Variants in XIRP2 observed in about 807,000 individuals in gnomAD.
XIRP2 encodes the protein xin actin binding repeat containing 2.
Under a neutral mutation model 277.0 loss-of-function variants are expected in XIRP2, and 236 were observed. The ratio of observed to expected loss-of-function variants is 0.85; its 90% CI spans 0.77 to 0.95. The LOEUF is 0.95. Ranked by LOEUF, XIRP2 falls within the 40% of genes least tolerant of loss-of-function variation. XIRP2 has a pLI of 0.00. For missense variants in XIRP2, 4,640 were observed against 4,157.5 expected, an observed-to-expected ratio of 1.12 and a Z score of -3.19; for synonymous variants, 1,490 against 1,416.5, an observed-to-expected ratio of 1.05 and a Z score of -1.17.
intron 2 of XIRP2, among the ~76,000 whole-genome samples, chr2:166,963,980 G>C (rs1686363254): frequency 6.6e-6 from 1 of 151,748 alleles, no homozygotes; most frequent in Non-Finnish European, 1.5e-5. Flanking sequence ...AGGAAGAGCA[G>C]AAACAGGTGG....
intron 5 of XIRP2, among the ~76,000 whole-genome samples, chr2:167,230,958 G>A (rs1694730650): frequency 1.3e-5 from 2 of 151,968 alleles, no homozygotes; most frequent in African/African-American, 4.8e-5. Flanking sequence ...GTCCTACCAC[G>A]CCAATCTCTT....
In XIRP2 at chr2:167,087,163, A is replaced by G. The variant is rs539986300; in HGVS notation, c.409-48746A>G. On this transcript the variant is annotated intron_variant, in intron 2 of 10. Transcript: ENST00000409195. ...TGTTTGTTAGTTTTCCTTCTAACAG[A>G]CAGGACCCTCAGCTGCAGGTCTGTT... 2.1e-3 allele frequency among the ~76,000 whole-genome samples: 314 copies of G among 152,210 alleles called. 1 individual carries two copies. The highest frequency in any genetic ancestry group is 7.1e-3 in the African/African-American group (295 of 41,528).
chr2:167,146,530 ATT>A (rs1227806228), intron 3 of XIRP2, among the ~76,000 whole-genome samples: 57 of 152,046 alleles, frequency 3.7e-4, no homozygotes, highest in African/African-American at 8.4e-4. Flanking sequence ...AAAGAAAGAA[ATT>A]AATTATAGAG....
rs1255197546 is a variant in XIRP2, at chr2:167,246,817, A to C, written c.5425A>C (p.Ile1809Leu). ...ACGTACTGTTAGTGAAACTGACATCATCCCTGGAGATGTGCATAACACAGT... is the reference window on the plus strand; with the variant it reads ...ACGTACTGTTAGTGAAACTGACATCCTCCCTGGAGATGTGCATAACACAGT... ...VERTVSETDI[I>L]PGDVHNTVKV... The change falls in exon 9 of 11, where the codon ATC (isoleucine) becomes CTC (leucine). Residue 1809 changes from isoleucine to leucine, a missense_variant. By Grantham distance (5) the Ile-to-Leu change is conservative. Transcript: ENST00000409195. The C allele has an allele frequency of 6.2e-7, 1 of 1,613,896 alleles. No homozygotes were observed.
At chr2:167,128,117 A>T (rs543976331) in intron 2 of XIRP2, among the ~76,000 whole-genome samples, 2 of 152,344 alleles carry the variant, frequency 1.3e-5, no homozygotes, top group Admixed American at 6.5e-5. Flanking sequence ...TCTAGAAATT[A>T]TGCTGGAATT....
At position 167,232,009 on chromosome 2, in the gene XIRP2, T is replaced by G. The variant is rs1163295642; in HGVS notation, c.859-7846T>G. On this transcript the variant is annotated intron_variant, in intron 5 of 10. Coordinates refer to ENST00000409195, the MANE Select transcript of XIRP2 (RefSeq NM_152381.6). The stretch of plus-strand genomic sequence containing the variant: ...ATTCTCCAGTTTCCTGGAGATTTCT[T>G]GAGATACACTCTCCACCCCTGCCAC... Among the ~76,000 whole-genome samples, 4 of 151,956 alleles carry G rather than the reference T, an allele frequency of 2.6e-5. No homozygotes were observed. The East Asian group carries it at 5.8e-4, about 22-fold the overall frequency.
chr2:166,998,919 T>C (rs1281854850), intron 2 of XIRP2, among the ~76,000 whole-genome samples: 1 of 152,216 alleles, frequency 6.6e-6, no homozygotes, highest in East Asian at 1.9e-4. Flanking sequence ...AATTTTGATG[T>C]ACCTCTGTTT....
intron 2 of XIRP2, among the ~76,000 whole-genome samples, chr2:167,077,471 T>G (rs544754458): frequency 6.6e-6 from 1 of 151,788 alleles, no homozygotes; most frequent in Non-Finnish European, 1.5e-5. Flanking sequence ...ATTTCACAGC[T>G]GATTTTCAAG....
Position 167,146,157 on chromosome 2 carries a change from T to C in XIRP2, c.562+10095T>C, listed in dbSNP as rs1176092347. ...AGCAGATATGTTATACAACTAATTG[T>C]ATATTGCTGAAGAGAGAATTAATGA... is the stretch of plus-strand genomic sequence containing the variant. On this transcript the variant is annotated intron_variant, in intron 3 of 10. Transcript: ENST00000409195. 2.0e-5 allele frequency among the ~76,000 whole-genome samples: 3 copies of C among 151,978 alleles called. No homozygotes were observed. In the East Asian group the frequency reaches 5.8e-4, roughly 29 times the overall value.
Position 167,072,556 on chromosome 2 carries a change from A to G in XIRP2, c.409-63353A>G, listed in dbSNP as rs566652145. Among the ~76,000 whole-genome samples the G allele has an allele frequency of 3.3e-5, 5 of 152,286 alleles. 1 individual carries two copies. The South Asian group carries it at 1.0e-3, about 32-fold the overall frequency. On this transcript the variant is annotated intron_variant, in intron 2 of 10. Transcript: ENST00000409195. Reference sequence around the variant, plus strand: ...AGATCTGTATCATATTATTCAACACATATAGAGTAATTATATATACGTCTA... The same window carrying G: ...AGATCTGTATCATATTATTCAACACGTATAGAGTAATTATATATACGTCTA...
intron 7 of XIRP2, among the ~76,000 whole-genome samples, chr2:167,241,229 A>T (rs2105430816): frequency 6.8e-6 from 1 of 146,300 alleles, no homozygotes; most frequent in East Asian, 2.0e-4. Flanking sequence ...TGCTACCCTG[A>T]AGAGCTAAAA....
At chr2:167,130,059 C>A (rs1352508335) in intron 2 of XIRP2, among the ~76,000 whole-genome samples, 2 of 151,898 alleles carry the variant, frequency 1.3e-5, no homozygotes, top group African/African-American at 4.8e-5. Context: ...CTGGAACTGC[C>A]TCTCCATAAT....
chr2:167,151,769 T>C lies in XIRP2; in HGVS notation c.562+15707T>C, dbSNP rs749135713. Among the ~76,000 whole-genome samples the C allele has an allele frequency of 6.1e-4, 93 of 151,626 alleles. 1 individual carries two copies. The highest frequency in any genetic ancestry group is 2.0e-4 in the Admixed American group (3 of 15,196). On this transcript the variant is annotated intron_variant, in intron 3 of 10. Transcript: ENST00000409195. ...ACTTTCTGGCTAAGAATGCAGACAA[T>C]AAGTAGGTAAACCATAATGTGGGAC... is the stretch of plus-strand genomic sequence containing the variant.
intron 2 of XIRP2, among the ~76,000 whole-genome samples, chr2:167,071,887 G>C (rs1039328036): frequency 6.6e-6 from 1 of 152,124 alleles, no homozygotes; most frequent in Non-Finnish European, 1.5e-5. Context: ...CACAGATGGA[G>C]GAATCAAGAC....
intron 2 of XIRP2, among the ~76,000 whole-genome samples, chr2:167,100,134 A>G (rs1250200984): frequency 6.6e-6 from 1 of 151,676 alleles, no homozygotes; most frequent in Non-Finnish European, 1.5e-5. Context: ...ATCCCAAACC[A>G]TGCTCTCCCA....
At chr2:167,078,886 C>A (rs1008069139) in intron 2 of XIRP2, among the ~76,000 whole-genome samples, 1 of 150,934 alleles carries the variant, frequency 6.6e-6, no homozygotes, top group African/African-American at 2.4e-5. Flanking sequence ...ACTTTTGCAC[C>A]AACAATATAT....
intron 2 of XIRP2, among the ~76,000 whole-genome samples, chr2:167,116,653 T>C (rs1050028879): frequency 1.4e-4 from 21 of 152,324 alleles, no homozygotes; most frequent in Admixed American, 2.6e-4. Flanking sequence ...TGTTAGACTT[T>C]GTGTTTGAAT....
At chr2:167,031,468 G>T (rs997750880) in intron 2 of XIRP2, among the ~76,000 whole-genome samples, 3 of 151,948 alleles carry the variant, frequency 2.0e-5, no homozygotes, top group Admixed American at 2.0e-4. Flanking sequence ...AGTTTCGCTG[G>T]ATATGAAATT....
intron 2 of XIRP2, among the ~76,000 whole-genome samples, chr2:167,075,652 T>C (rs1665494178): frequency 6.6e-6 from 1 of 152,164 alleles, no homozygotes. Context: ...CTTTTAGTAA[T>C]ACTTGTCTTT....
Sources: allele counts gnomAD v4.1 joint callset (sites outside exome capture counted in the v4.1 genomes callset), GRCh38; gene constraint gnomAD v4.1.1; transcripts MANE v1.5; gene names NCBI Gene and HGNC (gene_info 2026-07-23, HGNC 2026-07-21).